ARL15: variants seen among roughly 807,000 people sequenced by gnomAD.
ARL15 encodes the protein ARF like GTPase 15.
A neutral mutation model predicts 25.2 loss-of-function variants in ARL15; 19 were observed. The observed-to-expected ratio is 0.75, with a 90% confidence interval of 0.53 to 1.10. The LOEUF (loss-of-function observed/expected upper bound fraction) is 1.10, where lower values mean the gene tolerates loss of function less well. ARL15 is among the 50% of genes least tolerant of loss of function. ARL15 has a pLI of 0.00. For synonymous variants in ARL15, 94 were observed against 86.8 expected (o/e 1.08, Z -0.46); for missense variants, 220 against 246.0 (o/e 0.89, Z 0.71).
At chr5:53,997,254 A>G (rs1748710682) in intron 4 of ARL15, among the ~76,000 whole-genome samples, 1 of 151,900 alleles carries the variant, frequency 6.6e-6, no homozygotes, top group African/African-American at 2.4e-5. Context: ...CCCTAATCTG[A>G]GCTCCTCAAC....
At chr5:53,944,296 T>C (rs1746642884) in intron 4 of ARL15, among the ~76,000 whole-genome samples, 1 of 151,962 alleles carries the variant, frequency 6.6e-6, no homozygotes, top group African/African-American at 2.4e-5. Context: ...ACTTGGAATA[T>C]ATGAGAAAAG....
chr5:54,052,972 A>G (rs536716825), intron 4 of ARL15, among the ~76,000 whole-genome samples: 1 of 152,332 alleles, frequency 6.6e-6, no homozygotes, highest in South Asian at 2.1e-4. Flanking sequence ...AAGAAAAAAA[A>G]TCACCTAAAA....
At chr5:54,272,937 G>A (rs1178591027) in intron 1 of ARL15, among the ~76,000 whole-genome samples, 1 of 152,102 alleles carries the variant, frequency 6.6e-6, no homozygotes, top group African/African-American at 2.4e-5. Context: ...AAGAAAGCTG[G>A]CTGGACCACA....
At chr5:54,197,205 C>T (rs1452271370) in intron 1 of ARL15, among the ~76,000 whole-genome samples, 1 of 151,974 alleles carries the variant, frequency 6.6e-6, no homozygotes, top group African/African-American at 2.4e-5. Context: ...CTTTCAGCAG[C>T]AAGAACACAA....
chr5:54,156,889 G>T (rs1205851869), intron 2 of ARL15, among the ~76,000 whole-genome samples: 1 of 152,154 alleles, frequency 6.6e-6, no homozygotes. Context: ...CAGGTGTCTG[G>T]CCTCTGGGAA....
chr5:54,057,697 T>C (rs1750923275), intron 4 of ARL15, among the ~76,000 whole-genome samples: 1 of 151,936 alleles, frequency 6.6e-6, no homozygotes, highest in South Asian at 2.1e-4. Flanking sequence ...ATTTAAAAAT[T>C]AGCTAGGCAT....
chr5:54,031,379 T>C (rs1749979597), intron 4 of ARL15, among the ~76,000 whole-genome samples: 1 of 152,178 alleles, frequency 6.6e-6, no homozygotes, highest in Non-Finnish European at 1.5e-5. Flanking sequence ...GACGACATTC[T>C]ATTTCATGAT....
chr5:54,227,725 T>C (rs1316341668), intron 1 of ARL15, among the ~76,000 whole-genome samples: 2 of 152,188 alleles, frequency 1.3e-5, no homozygotes, highest in Non-Finnish European at 2.9e-5. Flanking sequence ...CACTTACAAC[T>C]GAAAGAAAAG....
intron 4 of ARL15, among the ~76,000 whole-genome samples, chr5:54,092,678 C>G (rs1752166213): frequency 6.6e-6 from 1 of 152,122 alleles, no homozygotes; most frequent in African/African-American, 2.4e-5. Context: ...ATCCTCTAGT[C>G]CTGAAATCAC....
At chr5:54,126,309 A>G (rs1268432540) in intron 3 of ARL15, among the ~76,000 whole-genome samples, 1 of 152,196 alleles carries the variant, frequency 6.6e-6, no homozygotes, top group Non-Finnish European at 1.5e-5. Flanking sequence ...CAGGAATTTT[A>G]AACTCAATTT....
chr5:53,947,167 G>GGGGTGTGTGT lies in ARL15; in HGVS notation c.463-60455_463-60454insACACACACCC, dbSNP rs752822788. ...CTAGCCAAAGAGAAAAATAAATAAG[G>GGGGTGTGTGT]GTGTGTGTGTGTGTGTGTGTGTGTG... On this transcript the variant is annotated intron_variant, in intron 4 of 4. Coordinates refer to ENST00000504924, the MANE Select transcript of ARL15 (RefSeq NM_019087.3). Among the ~76,000 whole-genome samples, 1,150 of 123,674 alleles carry GGGGTGTGTGT rather than the reference G, an allele frequency of 9.3e-3. 14 individuals are homozygous for GGGGTGTGTGT. Among genetic ancestry groups the GGGGTGTGTGT allele is most frequent in the Non-Finnish European group, 0.013 (780 of 58,880 alleles). The allele number at this position is 123,674 out of a possible 152,430, so 81.1% of individuals were successfully genotyped here. A position where few individuals can be genotyped will look rare whatever the true frequency, so the allele number is the denominator to read the frequency against.
At chr5:53,982,655 T>C (rs369842309) in intron 4 of ARL15, among the ~76,000 whole-genome samples, 207 of 152,326 alleles carry the variant, frequency 1.4e-3, no homozygotes, top group Middle Eastern at 3.4e-3. Context: ...TACATGTGCA[T>C]GTGTCTTTAT....
intron 4 of ARL15, among the ~76,000 whole-genome samples, chr5:54,013,014 G>A (rs1349650837): frequency 6.6e-6 from 1 of 151,158 alleles, no homozygotes. Context: ...TGGCCAGGGT[G>A]GTCTTGAACT....
chr5:54,281,271 C>A (rs1758058284), intron 1 of ARL15, among the ~76,000 whole-genome samples: 2 of 152,084 alleles, frequency 1.3e-5, no homozygotes. Context: ...TCCCAAGTAG[C>A]TGGGATTACA....
chr5:54,022,450 C>T (rs1453467428), intron 4 of ARL15, among the ~76,000 whole-genome samples: 1 of 152,038 alleles, frequency 6.6e-6, no homozygotes, highest in Non-Finnish European at 1.5e-5. Flanking sequence ...AGAAGAAATG[C>T]AATTGCTTTG....
intron 4 of ARL15, among the ~76,000 whole-genome samples, chr5:54,078,337 C>A (rs1409871471): frequency 6.6e-6 from 1 of 152,152 alleles, no homozygotes; most frequent in Non-Finnish European, 1.5e-5. Context: ...ACAAGTCAGA[C>A]AGTAGCAGTA....
At chr5:54,257,644 T>C (rs953451271) in intron 1 of ARL15, among the ~76,000 whole-genome samples, 1 of 152,194 alleles carries the variant, frequency 6.6e-6, no homozygotes, top group Non-Finnish European at 1.5e-5. Flanking sequence ...ATTATAATCA[T>C]ATATTACTTT....
chr5:54,162,894 A>C (rs1754447323), intron 2 of ARL15, among the ~76,000 whole-genome samples: 1 of 152,102 alleles, frequency 6.6e-6, no homozygotes, highest in African/African-American at 2.4e-5. Flanking sequence ...CATTTTATTT[A>C]TTTTTCTTGC....
chr5:54,089,137 C>T lies in ARL15; in HGVS notation c.462+24065G>A, dbSNP rs1019542724. 4.6e-5 allele frequency among the ~76,000 whole-genome samples: 7 copies of T among 152,280 alleles called. No individual in the cohort carries two copies. The South Asian group carries it at 6.2e-4, about 14-fold the overall frequency. On this transcript the variant is annotated intron_variant, in intron 4 of 4. Coordinates refer to ENST00000504924, the MANE Select transcript of ARL15 (RefSeq NM_019087.3). ...TTCTAGTCTCAGCTCCAGCACCCCCCGCCTCAGGAAGCTGGCTCAGCCCAC... is the reference window on the plus strand; with the variant it reads ...TTCTAGTCTCAGCTCCAGCACCCCCTGCCTCAGGAAGCTGGCTCAGCCCAC...
Sources: allele counts gnomAD v4.1 joint callset (sites outside exome capture counted in the v4.1 genomes callset), GRCh38; gene constraint gnomAD v4.1.1; transcripts MANE v1.5; gene names NCBI Gene and HGNC (gene_info 2026-07-23, HGNC 2026-07-21).